ETNK1: variants seen among roughly 807,000 people sequenced by gnomAD.
ETNK1 encodes putative protein product of Nbla10396.
In ETNK1, 8 loss-of-function variants were observed where a neutral mutation model predicts 45.1. The observed-to-expected ratio is 0.18, with a 90% CI of 0.10 to 0.32. The LOEUF (loss-of-function observed/expected upper bound fraction) is 0.32. Ranked by LOEUF, ETNK1 falls within the 10% of genes least tolerant of loss-of-function variation. ETNK1 has a pLI of 1.00. For synonymous variants in ETNK1, 152 were observed against 151.9 expected (o/e 1.00, Z -0.01); for missense variants, 302 against 430.6 (o/e 0.70, Z 2.64).
intron 2 of ETNK1, among the ~76,000 whole-genome samples, chr12:22,653,506 T>C (rs1188267973): frequency 6.6e-6 from 1 of 152,202 alleles, no homozygotes; most frequent in African/African-American, 2.4e-5. Context: ...TCTTTCTGTT[T>C]ATTTGTGTAT....
At chr12:22,683,451 A>G (rs1954232244) in intron 6 of ETNK1, among the ~76,000 whole-genome samples, 1 of 152,038 alleles carries the variant, frequency 6.6e-6, no homozygotes, top group African/African-American at 2.4e-5. Context: ...AGAGATCTTT[A>G]GGTTGAAAAA....
intron 1 of ETNK1, among the ~76,000 whole-genome samples, chr12:22,630,986 AG>A (rs1297792053): frequency 6.6e-6 from 1 of 152,128 alleles, no homozygotes; most frequent in Non-Finnish European, 1.5e-5. Flanking sequence ...GGGTTGTTTG[AG>A]GGAAATGTTT....
chr12:22,682,100 A>T (rs1954220129), intron 6 of ETNK1, among the ~76,000 whole-genome samples: 1 of 152,136 alleles, frequency 6.6e-6, no homozygotes, highest in South Asian at 2.1e-4. Context: ...GTTATTTGGA[A>T]AATAATTGAT....
intron 2 of ETNK1, among the ~76,000 whole-genome samples, chr12:22,655,436 A>C (rs527425502): frequency 1.4e-4 from 21 of 149,742 alleles, no homozygotes; most frequent in Non-Finnish European, 2.8e-4. Context: ...GCCTGGGTTC[A>C]AGCAATTCTT....
intron 3 of ETNK1, 124 bp from the exon 4 acceptor site, chr12:22,660,939 T>C: frequency 1.3e-6 from 1 of 754,302 alleles, no homozygotes; most frequent in Non-Finnish European, 2.1e-6. Context: ...ATAATTGGTC[T>C]GTTGTTTGAA....
chr12:22,685,149 G>A lies in ETNK1; in HGVS notation c.*195G>A, dbSNP rs908618360. 4.9e-5 allele frequency: 22 copies of A among 452,346 alleles called. 1 individual carries two copies. The South Asian group carries it at 6.7e-4, about 14-fold the overall frequency. The allele number at this position is 452,346 out of a possible 1,614,324, so 28.0% of individuals were successfully genotyped here. On this transcript the variant is annotated 3_prime_UTR_variant, in exon 8 of 8. Transcript: ENST00000266517. ...TCAAGAAATATACCTACTGCTATCCGTATGTGGTGGATTAGAAATGTGTTA... is the reference window on the plus strand; with the variant it reads ...TCAAGAAATATACCTACTGCTATCCATATGTGGTGGATTAGAAATGTGTTA...
chr12:22,647,671 A>G (rs1314869162), intron 2 of ETNK1, among the ~76,000 whole-genome samples: 1 of 152,040 alleles, frequency 6.6e-6, no homozygotes, highest in Non-Finnish European at 1.5e-5. Context: ...CAAAGGGGAT[A>G]TATAAAAATG....
intron 6 of ETNK1, among the ~76,000 whole-genome samples, chr12:22,674,523 T>G (rs913751657): frequency 6.6e-6 from 1 of 152,200 alleles, no homozygotes; most frequent in Non-Finnish European, 1.5e-5. Context: ...CTATCTATTT[T>G]CAGTACAGTT....
intron 2 of ETNK1, among the ~76,000 whole-genome samples, chr12:22,649,154 A>C (rs1219036354): frequency 1.3e-5 from 2 of 152,022 alleles, no homozygotes; most frequent in Non-Finnish European, 1.5e-5. Flanking sequence ...ATTTTCTTCC[A>C]ATCTGTGCTT....
chr12:22,648,016 TTAAA>T (rs1273836728), intron 2 of ETNK1, among the ~76,000 whole-genome samples: 3 of 151,956 alleles, frequency 2.0e-5, no homozygotes, highest in Non-Finnish European at 4.4e-5. Context: ...TTAATGATTA[TTAAA>T]TAATGCTAAG....
rs147971351 is a variant in ETNK1 at position 22,636,990 on chromosome 12, G to A, written c.157-6773G>A. On this transcript the variant is annotated intron_variant, in intron 1 of 7. Coordinates refer to ENST00000266517, the MANE Select transcript of ETNK1 (RefSeq NM_018638.5). ...TGGGATCCTGCACCGAATCCCCCTC[G>A]GATACCAAGGGGATACAGTGGGACC... 3.4e-3 allele frequency among the ~76,000 whole-genome samples: 515 copies of A among 152,236 alleles called. 4 individuals are homozygous for A. Among genetic ancestry groups the A allele is most frequent in the African/African-American group, 0.012 (503 of 41,548 alleles).
intron 2 of ETNK1, among the ~76,000 whole-genome samples, chr12:22,657,485 CTT>C (rs781559999): frequency 3.6e-4 from 54 of 151,584 alleles, no homozygotes; most frequent in Non-Finnish European, 7.5e-4. Flanking sequence ...AGGAATATCA[CTT>C]TATTCTGTTT....
In ETNK1 at chr12:22,652,004, C is replaced by T. The variant is rs780918317; in HGVS notation, c.417-7010C>T. 1.2e-4 allele frequency among the ~76,000 whole-genome samples: 19 copies of T among 152,084 alleles called. No homozygotes were observed. The East Asian group carries it at 2.9e-3, about 23-fold the overall frequency. ...CCTGGCCAATTCTATGCTTTTTAAA[C>T]AACAAATCTTCTTTCCTTCCTCCAG... On this transcript the variant is annotated intron_variant, in intron 2 of 7. Coordinates refer to ENST00000266517, the MANE Select transcript of ETNK1 (RefSeq NM_018638.5).
chr12:22,681,173 A>G (rs1954211915), intron 6 of ETNK1, among the ~76,000 whole-genome samples: 1 of 150,398 alleles, frequency 6.6e-6, no homozygotes, highest in South Asian at 2.1e-4. Flanking sequence ...CTACTGTTAT[A>G]TATTAATTTA....
At chr12:22,658,422 C>T (rs377274555) in intron 2 of ETNK1, among the ~76,000 whole-genome samples, 5 of 152,138 alleles carry the variant, frequency 3.3e-5, no homozygotes, top group East Asian at 3.8e-4. Flanking sequence ...ATCAGTCAGA[C>T]GTGAATTCAA....
At chr12:22,649,826 T>G (rs1003453952) in intron 2 of ETNK1, among the ~76,000 whole-genome samples, 28 of 152,078 alleles carry the variant, frequency 1.8e-4, no homozygotes, top group Admixed American at 1.1e-3. Context: ...TAGAATCAGT[T>G]TTTCAATATC....
chr12:22,671,444 G>T (rs11046528), intron 5 of ETNK1, 89 bp downstream of exon 5: 2 of 886,364 alleles, frequency 2.3e-6, no homozygotes, highest in South Asian at 1.5e-5. Context: ...CCGTGAGCAG[G>T]GGGAACATTT....
At chr12:22,682,579 T>A (rs2137578951) in intron 6 of ETNK1, among the ~76,000 whole-genome samples, 1 of 152,282 alleles carries the variant, frequency 6.6e-6, no homozygotes, top group Admixed American at 6.5e-5. Flanking sequence ...TCCCACAGAA[T>A]ACTAGAGCAC....
intron 4 of ETNK1, among the ~76,000 whole-genome samples, chr12:22,666,499 A>G (rs1954055136): frequency 6.6e-6 from 1 of 152,218 alleles, no homozygotes; most frequent in Non-Finnish European, 1.5e-5. Context: ...TCAAGAAATT[A>G]CTAAAGCTGT....
Sources: allele counts gnomAD v4.1 joint callset (sites outside exome capture counted in the v4.1 genomes callset), GRCh38; gene constraint gnomAD v4.1.1; transcripts MANE v1.5; gene names NCBI Gene and HGNC (gene_info 2026-07-23, HGNC 2026-07-21).